CSRNP1: variants seen among roughly 807,000 people sequenced by gnomAD.
CSRNP1 encodes cysteine and serine rich nuclear protein 1, also known as cysteine/serine-rich nuclear protein 1.
Under a neutral mutation model 25.0 loss-of-function variants are expected in CSRNP1, and 8 were observed. The ratio of observed to expected loss-of-function variants is 0.32; its 90% CI spans 0.19 to 0.58. The LOEUF (loss-of-function observed/expected upper bound fraction) is 0.58, where lower values mean the gene tolerates loss of function less well. CSRNP1 is among the 20% of genes least tolerant of loss of function. The pLI is 0.88. For synonymous variants in CSRNP1, 305 were observed against 303.1 expected (o/e 1.01, Z -0.06); for missense variants, 691 against 773.1 (o/e 0.89, Z 1.26).
chr3:39,145,061 C>T lies in CSRNP1; in HGVS notation c.401G>A (p.Arg134His), dbSNP rs757921966. Residue 134 changes from arginine to histidine, a missense_variant, in exon 3 of 5, where the codon CGT becomes CAT. Transcript: ENST00000273153. ...SLAEFAQEQA[R>H]ARHEKLRQRL... ...CTGGCGGAGCTTCTCGTGCCGTGCACGGGCTTGCTCCTGCGCAAACTCAGC... is the reference window on the plus strand; with the variant it reads ...CTGGCGGAGCTTCTCGTGCCGTGCATGGGCTTGCTCCTGCGCAAACTCAGC... The T allele has an allele frequency of 3.6e-5, 58 of 1,614,070 alleles. No individual in the cohort carries two copies. Among genetic ancestry groups the T allele is most frequent in the Middle Eastern group, 1.6e-4 (1 of 6,084 alleles).
Position 39,144,275 on chromosome 3 carries a change from T to C in CSRNP1, c.642A>G (p.Ser214=), listed in dbSNP as rs781274873. The part of the protein sequence containing the change: ...ARRRRALLRA[S]GVRRIDREEK... ...CCTCCCGATCGATCCTTCGCACACC[T>C]GAAGCCCTCAGCAGAGCTCGACGTC... Residue 214 remains serine, a synonymous_variant, in exon 4 of 5, where the codon TCA becomes TCG. Coordinates refer to ENST00000273153, the MANE Select transcript of CSRNP1 (RefSeq NM_033027.4). 6.2e-7 allele frequency: 1 copy of C among 1,614,076 alleles called. No homozygotes were observed. The highest frequency in any genetic ancestry group is 1.1e-5 in the South Asian group (1 of 91,084).
In CSRNP1 at chr3:39,142,539, C is replaced by T. The variant is rs2039426919; in HGVS notation, c.*516G>A. ...GGCTCTTGAGGGCCTGTGCCCACCC[C>T]ACCCCTGGCATTACCCACCAGCCAA... On this transcript the variant is annotated 3_prime_UTR_variant, in exon 5 of 5. Transcript: ENST00000273153. The T allele has an allele frequency of 6.5e-6, 1 of 153,318 alleles. No homozygotes were observed. Among genetic ancestry groups the T allele is most frequent in the African/African-American group, 2.4e-5 (1 of 41,476 alleles). The allele number at this position is 153,318 out of a possible 1,614,324, so 9.5% of individuals were successfully genotyped here. A position where few individuals can be genotyped will look rare whatever the true frequency, so the allele number is the denominator to read the frequency against.
chr3:39,144,965 A>G (rs779613659), intron 3 of CSRNP1, 32 bp downstream of exon 3: 1 of 1,572,456 alleles, frequency 6.4e-7, no homozygotes, highest in East Asian at 2.3e-5. Context: ...GAGCTGCCTC[A>G]GGAGGTGCGC....
Position 39,144,350 on chromosome 3 carries a change from T to G in CSRNP1, c.567A>C (p.Ala189=), listed in dbSNP as rs1458155175. The G allele has an allele frequency of 1.2e-6, 2 of 1,614,016 alleles. No individual in the cohort carries two copies. Among genetic ancestry groups the G allele is most frequent in the Non-Finnish European group, 1.7e-6 (2 of 1,180,040 alleles). ...AGCTCACTTCTTCCAACCGGCCACCTGCCACAGCGACTGCCAAGTCCTCCT... is the reference window on the plus strand; with the variant it reads ...AGCTCACTTCTTCCAACCGGCCACCGGCCACAGCGACTGCCAAGTCCTCCT... ...SVEEDLAVAV[A]GGRLEEVSFL... The change falls in exon 4 of 5, where the codon GCA becomes GCC. Residue 189 remains alanine, a synonymous_variant. Coordinates refer to ENST00000273153, the MANE Select transcript of CSRNP1 (RefSeq NM_033027.4).
At chr3:39,152,314 C>G (rs981150596) in intron 1 of CSRNP1, 1 of 152,532 alleles carries the variant, frequency 6.6e-6, no homozygotes, top group Admixed American at 6.5e-5. Context: ...GAGGGCACGG[C>G]AAGCCACAGA....
intron 1 of CSRNP1, chr3:39,148,911 G>A (rs984669149): frequency 3.9e-5 from 6 of 152,136 alleles, no homozygotes; most frequent in Non-Finnish European, 8.8e-5. Context: ...TAAGAGCTTC[G>A]GCTCCAGAAC....
intron 1 of CSRNP1, among the ~76,000 whole-genome samples, chr3:39,147,211 CTGTGTG>C (rs10679310): frequency 1.3e-5 from 2 of 148,458 alleles, no homozygotes; most frequent in Non-Finnish European, 3.0e-5. Flanking sequence ...ATCTGTGTGC[CTGTGTG>C]TGTGTGTGTG....
chr3:39,143,825 G>C lies in CSRNP1; in HGVS notation c.1000C>G (p.Leu334Val), dbSNP rs750650484. 3.1e-6 allele frequency: 5 copies of C among 1,614,262 alleles called. No homozygotes were observed. In the Admixed American group the frequency reaches 8.3e-5, roughly 27 times the overall value. ...GEEALVPTFP[L>V]AKPPMNNELG... ...TCATTGTTCATGGGGGGCTTGGCCA[G>C]TGGGAAAGTAGGGACCAGGGCCTCC... Residue 334 changes from leucine (L) to valine (V), a missense_variant, in exon 5 of 5, where the codon CTG (leucine) becomes GTG (valine). Leu to Val is a conservative substitution (Grantham distance 32). Coordinates refer to ENST00000273153, the MANE Select transcript of CSRNP1 (RefSeq NM_033027.4).
At chr3:39,150,841 A>C (rs1232275203) in intron 1 of CSRNP1, 1 of 152,282 alleles carries the variant, frequency 6.6e-6, no homozygotes, top group African/African-American at 2.4e-5. Flanking sequence ...TGCAGGTTCT[A>C]GTGATGAACA....
intron 1 of CSRNP1, chr3:39,149,116 T>TA (rs35928812): frequency 0.44 from 63,675 of 143,618 alleles, 14,539 homozygotes; most frequent in East Asian, 0.64. Context: ...CCACACTGTT[T>TA]AAAAAAAAAA....
At position 39,143,803 on chromosome 3, in the gene CSRNP1, T is replaced by C. The variant is rs759484714; in HGVS notation, c.1022A>G (p.Asn341Ser). 11 of 1,614,154 alleles carry C rather than the reference T, an allele frequency of 6.8e-6. No individual in the cohort carries two copies. The highest frequency in any genetic ancestry group is 2.2e-5 in the South Asian group (2 of 91,084). The change falls in exon 5 of 5, where the codon AAT (asparagine) becomes AGT (serine). Residue 341 changes from asparagine to serine, a missense_variant. Asn to Ser is a conservative substitution (Grantham distance 46). Transcript: ENST00000273153. ...GCTGCAGCTGTTGTCTCCCAGCTCATTGTTCATGGGGGGCTTGGCCAGTGG... is the reference window on the plus strand; with the variant it reads ...GCTGCAGCTGTTGTCTCCCAGCTCACTGTTCATGGGGGGCTTGGCCAGTGG... ...TFPLAKPPMN[N>S]ELGDNSCSSD...
Position 39,143,012 on chromosome 3 carries a change from G to C in CSRNP1, c.*43C>G, listed in dbSNP as rs377458175. ...TGGGGAGCCCCATAATTACAAGAAAGCAGCAACAGGTCTCTTGGGGCTGGG... is the reference window on the plus strand; with the variant it reads ...TGGGGAGCCCCATAATTACAAGAAACCAGCAACAGGTCTCTTGGGGCTGGG... On this transcript the variant is annotated 3_prime_UTR_variant, in exon 5 of 5. Transcript: ENST00000273153. The C allele has an allele frequency of 8.6e-4, 1,306 of 1,520,382 alleles. 1 individual carries two copies. Among genetic ancestry groups the C allele is most frequent in the Non-Finnish European group, 1.1e-3 (1,227 of 1,134,908 alleles). The allele number at this position is 1,520,382 out of a possible 1,614,324, so 94.2% of individuals were successfully genotyped here.
chr3:39,153,381 T>C, intron 1 of CSRNP1, 57 bp downstream of exon 1: 1 of 215,398 alleles, frequency 4.6e-6, no homozygotes. Flanking sequence ...CCACTCGCGC[T>C]GAATGCCCCC....
chr3:39,151,573 C>T (rs571099696), intron 1 of CSRNP1: 10 of 152,644 alleles, frequency 6.6e-5, no homozygotes, highest in African/African-American at 2.4e-4. Flanking sequence ...CTGCCTCCAT[C>T]CCCCTTCAGG....
At chr3:39,147,716 T>G (rs2039536703) in intron 1 of CSRNP1, among the ~76,000 whole-genome samples, 1 of 151,958 alleles carries the variant, frequency 6.6e-6, no homozygotes, top group African/African-American at 2.4e-5. Flanking sequence ...GCTGGCCTTA[T>G]CCAAGCAGAA....
Position 39,143,466 on chromosome 3 carries a change from G to A in CSRNP1, c.1359C>T (p.Val453=). ...CATCCAGGTTGGCATTCTCATCCAG[G>A]ACGCCTGATGTGAAGCTACAGCCAG... ...SYSGCSFTSG[V]LDENANLDAS... Residue 453 remains valine (V), a synonymous_variant, in exon 5 of 5, where the codon GTC becomes GTT. Coordinates refer to ENST00000273153, the MANE Select transcript of CSRNP1 (RefSeq NM_033027.4). The A allele has an allele frequency of 1.2e-6, 2 of 1,614,146 alleles. No homozygotes were observed. The highest frequency in any genetic ancestry group is 1.7e-6 in the Non-Finnish European group (2 of 1,179,968).
chr3:39,144,895 C>T, intron 3 of CSRNP1, 102 bp downstream of exon 3: 1 of 1,367,242 alleles, frequency 7.3e-7, no homozygotes, highest in Non-Finnish European at 9.9e-7. Context: ...TCCCCATAAC[C>T]ATAATGAGCA....
rs1171251874 is a variant in CSRNP1, at chr3:39,144,305, G to T, written c.612C>A (p.Ala204=). Residue 204 remains alanine (A), a synonymous_variant, in exon 4 of 5, where the codon GCC becomes GCA. Coordinates refer to ENST00000273153, the MANE Select transcript of CSRNP1 (RefSeq NM_033027.4). ...CCCTCAGCAGAGCTCGACGTCGCCG[G>T]GCTGGGTAGGGCTGTAGGAAGCTCA... ...EEVSFLQPYP[A]RRRRALLRAS... 1 of 1,614,036 alleles carries T rather than the reference G, an allele frequency of 6.2e-7. No homozygotes were observed. The highest frequency in any genetic ancestry group is 8.5e-7 in the Non-Finnish European group (1 of 1,180,040).
chr3:39,145,374 C>T (rs1257479421), intron 2 of CSRNP1, 118 bp from the exon 3 acceptor site: 1 of 1,257,822 alleles, frequency 8.0e-7, no homozygotes, highest in Non-Finnish European at 1.1e-6. Flanking sequence ...CCCTCTCCAC[C>T]CATTTTGAAA....
Sources: gnomAD v4.1 joint callset for allele counts (sites outside exome capture counted in the v4.1 genomes callset) on GRCh38, gnomAD v4.1.1 for gene constraint, MANE v1.5 for transcripts, NCBI Gene and HGNC (gene_info 2026-07-23, HGNC 2026-07-21) for gene names.